Variants in CD86 observed in about 807,000 individuals in gnomAD.
CD86 encodes CD86 molecule.
A neutral mutation model predicts 32.1 loss-of-function variants in CD86; 11 were observed. That is an observed-to-expected ratio of 0.34 (90% CI 0.22 to 0.57). The LOEUF (loss-of-function observed/expected upper bound fraction) is 0.57, where lower values mean the gene tolerates loss of function less well. CD86 is among the 20% of genes least tolerant of loss of function. The pLI is 0.86. For missense variants in CD86, 359 were observed against 398.4 expected (o/e 0.90, Z 0.84); for synonymous variants, 137 against 135.3 (o/e 1.01, Z -0.09).
chr3:122,095,330 A>G (rs1470448695), intron 2 of CD86, among the ~76,000 whole-genome samples: 1 of 151,910 alleles, frequency 6.6e-6, no homozygotes, highest in Non-Finnish European at 1.5e-5. Flanking sequence ...ACCACAAAAT[A>G]CAAAAATACA....
At chr3:122,059,288 C>T (rs1009328508) in intron 1 of CD86, among the ~76,000 whole-genome samples, 1 of 151,954 alleles carries the variant, frequency 6.6e-6, no homozygotes, top group Non-Finnish European at 1.5e-5. Context: ...AAGGACAGAA[C>T]CTGGAAAACC....
At chr3:122,067,626 T>A (rs1020227455) in intron 1 of CD86, among the ~76,000 whole-genome samples, 3 of 152,196 alleles carry the variant, frequency 2.0e-5, no homozygotes, top group Middle Eastern at 3.2e-3. Flanking sequence ...AATGCAAAGA[T>A]CAAATTGGTT....
chr3:122,096,283 G>A (rs1169759011), intron 2 of CD86, among the ~76,000 whole-genome samples: 1 of 152,070 alleles, frequency 6.6e-6, no homozygotes, highest in Non-Finnish European at 1.5e-5. Flanking sequence ...CTCGCTTTGT[G>A]CCCAGGCTGG....
chr3:122,092,813 C>A (rs1225831982), intron 2 of CD86, among the ~76,000 whole-genome samples: 1 of 152,222 alleles, frequency 6.6e-6, no homozygotes, highest in Non-Finnish European at 1.5e-5. Context: ...ACACACCAGG[C>A]CCTTGGCCAC....
chr3:122,091,346 A>G (rs2072815534), intron 1 of CD86, among the ~76,000 whole-genome samples: 1 of 152,220 alleles, frequency 6.6e-6, no homozygotes, highest in African/African-American at 2.4e-5. Flanking sequence ...TGGAAGAAAC[A>G]TCTTTTCTGC....
chr3:122,058,342 G>A (rs1346955326), intron 1 of CD86, among the ~76,000 whole-genome samples: 3 of 152,278 alleles, frequency 2.0e-5, no homozygotes, highest in Middle Eastern at 3.4e-3. Context: ...CAGCCTCCAG[G>A]GAGTGACTGA....
At chr3:122,090,718 T>C (rs1272477678) in intron 1 of CD86, among the ~76,000 whole-genome samples, 1 of 152,158 alleles carries the variant, frequency 6.6e-6, no homozygotes, top group Non-Finnish European at 1.5e-5. Context: ...AGCAGCCTTT[T>C]TGGTGCTAGT....
rs547475491 is a variant in CD86 at position 122,065,946 on chromosome 3, A to C, written c.14+10443A>C. Among the ~76,000 whole-genome samples the C allele has an allele frequency of 3.9e-5, 6 of 152,276 alleles. No individual in the cohort carries two copies. The East Asian group carries it at 1.2e-3, about 29-fold the overall frequency. ...TAGATGACAGGCAGTAGAAAAGTTA[A>C]TGTGTCCATTCTATGGCTGACCCAA... On this transcript the variant is annotated intron_variant, in intron 1 of 6. Coordinates refer to ENST00000330540, the MANE Select transcript of CD86 (RefSeq NM_175862.5).
intron 1 of CD86, among the ~76,000 whole-genome samples, chr3:122,056,354 G>GAAACA (rs1368475722): frequency 6.6e-6 from 1 of 152,076 alleles, no homozygotes; most frequent in Admixed American, 6.5e-5. Context: ...ATTTATTTTT[G>GAAACA]AAACAGAGTC....
At chr3:122,057,556 G>A (rs1009596312) in intron 1 of CD86, among the ~76,000 whole-genome samples, 8 of 152,072 alleles carry the variant, frequency 5.3e-5, no homozygotes, top group Admixed American at 2.0e-4. Flanking sequence ...TTTCTACTGT[G>A]TGCTTTTCAA....
At chr3:122,073,818 T>A (rs1218142712) in intron 1 of CD86, among the ~76,000 whole-genome samples, 2 of 152,224 alleles carry the variant, frequency 1.3e-5, no homozygotes, top group Admixed American at 6.5e-5. Flanking sequence ...ATGCATAGGA[T>A]ATGAATTTCT....
intron 5 of CD86, among the ~76,000 whole-genome samples, chr3:122,114,094 T>C (rs977918147): frequency 6.6e-6 from 1 of 151,800 alleles, no homozygotes; most frequent in African/African-American, 2.4e-5. Flanking sequence ...CTACTAAACA[T>C]ACAAAAATTA....
intron 5 of CD86, among the ~76,000 whole-genome samples, chr3:122,116,322 CAAG>C (rs921172334): frequency 1.3e-5 from 2 of 152,020 alleles, no homozygotes; most frequent in African/African-American, 2.4e-5. Flanking sequence ...TAATAAAAGG[CAAG>C]AAGAAGAGAC....
chr3:122,095,839 G>GCAATCAGA (rs2107530575), intron 2 of CD86, among the ~76,000 whole-genome samples: 1 of 152,258 alleles, frequency 6.6e-6, no homozygotes, highest in African/African-American at 2.4e-5. Context: ...GAGAAAATGA[G>GCAATCAGA]CAATCAGACA....
At chr3:122,078,032 G>C (rs2072579301) in intron 1 of CD86, 23 of 985,640 alleles carry the variant, frequency 2.3e-5, no homozygotes, top group Non-Finnish European at 2.7e-5. Context: ...ACAGTGGACA[G>C]GCATTTGTGA....
At chr3:122,087,576 A>T (rs1227449327) in intron 1 of CD86, among the ~76,000 whole-genome samples, 1 of 152,224 alleles carries the variant, frequency 6.6e-6, no homozygotes, top group Non-Finnish European at 1.5e-5. Context: ...TCATGAAAGA[A>T]AATCATATCA....
At position 122,109,427 on chromosome 3, in the gene CD86, T is replaced by C; in HGVS notation, c.847+19T>C. On this transcript the variant is annotated intron_variant, in intron 5 of 6. Transcript: ENST00000330540. ...AAATGTGGTGAGTGAGTCCTTGTCC[T>C]CCCCACAGACTGTCACTTTGCACCT... 6.2e-7 allele frequency: 1 copy of C among 1,613,704 alleles called. No individual in the cohort carries two copies.
At chr3:122,068,566 A>C (rs1016595114) in intron 1 of CD86, among the ~76,000 whole-genome samples, 1 of 152,240 alleles carries the variant, frequency 6.6e-6, no homozygotes, top group Non-Finnish European at 1.5e-5. Context: ...TAATATTCTC[A>C]GATAAAGATT....
At chr3:122,097,497 C>T (rs1250452756) in intron 2 of CD86, among the ~76,000 whole-genome samples, 1 of 152,214 alleles carries the variant, frequency 6.6e-6, no homozygotes, top group South Asian at 2.1e-4. Flanking sequence ...AGGGCAGACT[C>T]TGCCTGTTCC....
Sources: allele counts gnomAD v4.1 joint callset (sites outside exome capture counted in the v4.1 genomes callset), GRCh38; gene constraint gnomAD v4.1.1; transcripts MANE v1.5; gene names NCBI Gene and HGNC (gene_info 2026-07-23, HGNC 2026-07-21).